The following BMP6 variants were observed in gnomAD, a reference collection of about 807,000 sequenced individuals.
BMP6 encodes bone morphogenetic protein 6, also known as VG-1-R.
A neutral mutation model predicts 54.1 loss-of-function variants in BMP6; 17 were observed. That is an observed-to-expected ratio of 0.31 (90% confidence interval 0.22 to 0.47). The LOEUF (loss-of-function observed/expected upper bound fraction) is 0.47. Ranked by LOEUF, BMP6 falls within the 20% of genes least tolerant of loss-of-function variation. The pLI, the probability that BMP6 is intolerant of heterozygous loss-of-function variation, is 1.00. For missense variants in BMP6, 720 were observed against 690.4 expected (o/e 1.04, Z -0.48); for synonymous variants, 328 against 291.2 (o/e 1.13, Z -1.28).
At chr6:7,772,392 T>G (rs762839974) in intron 1 of BMP6, among the ~76,000 whole-genome samples, 6 of 152,188 alleles carry the variant, frequency 3.9e-5, no homozygotes, top group Non-Finnish European at 7.3e-5. Flanking sequence ...GCCCAATCTG[T>G]CAGTAATGAA....
chr6:7,727,771 C>T (rs1238404215), intron 1 of BMP6, 152 bp downstream of exon 1: 1 of 1,002,278 alleles, frequency 1.0e-6, no homozygotes, highest in East Asian at 3.3e-5. Flanking sequence ...TGTGCTCCCG[C>T]CACCTGCGCG....
At position 7,731,683 on chromosome 6, in the gene BMP6, T is replaced by C. The variant is rs1210030170; in HGVS notation, c.664+4064T>C. The stretch of plus-strand genomic sequence containing the variant: ...AAGATTTGATTATTTAGAAAGGGTA[T>C]ACCTGATTTTTATTGAGTAAAATGT... On this transcript the variant is annotated intron_variant, in intron 1 of 6. Transcript: ENST00000283147. Among the ~76,000 whole-genome samples the C allele has an allele frequency of 7.2e-5, 11 of 152,346 alleles. No homozygotes were observed. The East Asian group carries it at 2.1e-3, about 29-fold the overall frequency.
At position 7,880,414 on chromosome 6, in the gene BMP6, G is replaced by T. The variant is rs767986591; in HGVS notation, c.*71G>T. 70 of 1,586,984 alleles carry T rather than the reference G, an allele frequency of 4.4e-5. No individual in the cohort carries two copies. The highest frequency in any genetic ancestry group is 6.0e-5 in the Non-Finnish European group (69 of 1,159,504). The stretch of plus-strand genomic sequence containing the variant: ...GATTACATCTGCCTTAAAAAAACAC[G>T]GAAGCACAGTTGGAGGTGGGACGAT... On this transcript the variant is annotated 3_prime_UTR_variant, in exon 7 of 7. Coordinates refer to ENST00000283147, the MANE Select transcript of BMP6 (RefSeq NM_001718.6).
Position 7,780,087 on chromosome 6 carries a change from G to A in BMP6, c.664+52468G>A, listed in dbSNP as rs957618081. On this transcript the variant is annotated intron_variant, in intron 1 of 6. Coordinates refer to ENST00000283147, the MANE Select transcript of BMP6 (RefSeq NM_001718.6). ...ATAGCACACACACTCATTTATTTCCGTGCTTCCCTCACTTCACTGTAGTGC... is the reference window on the plus strand; with the variant it reads ...ATAGCACACACACTCATTTATTTCCATGCTTCCCTCACTTCACTGTAGTGC... 7.2e-5 allele frequency among the ~76,000 whole-genome samples: 11 copies of A among 152,200 alleles called. No individual in the cohort carries two copies. In the East Asian group the frequency reaches 7.7e-4, roughly 11 times the overall value.
intron 1 of BMP6, among the ~76,000 whole-genome samples, chr6:7,762,694 A>G (rs935919430): frequency 1.3e-5 from 2 of 152,234 alleles, no homozygotes; most frequent in African/African-American, 4.8e-5. Context: ...TTCTGATTAA[A>G]TAAAAAGATG....
intron 1 of BMP6, among the ~76,000 whole-genome samples, chr6:7,784,857 A>C (rs1757998893): frequency 6.6e-6 from 1 of 152,100 alleles, no homozygotes; most frequent in Admixed American, 6.5e-5. Flanking sequence ...TTGCACAGTC[A>C]CCTCCTCCTT....
In BMP6 at chr6:7,726,475, G is replaced by A. The variant is rs1761725186; in HGVS notation, c.-481G>A. On this transcript the variant is annotated 5_prime_UTR_variant, in exon 1 of 7. The change creates a new upstream start codon in the 5' untranslated region. Transcript: ENST00000283147. ...GTGGCCCTGCGATCTGGGGAGGGGC[G>A]TGCGCCACGGTGATGCCGGGCATCT... Among the ~76,000 whole-genome samples the A allele has an allele frequency of 6.6e-6, 1 of 152,210 alleles. No individual in the cohort carries two copies. Among genetic ancestry groups the A allele is most frequent in the Admixed American group, 6.5e-5 (1 of 15,294 alleles).
chr6:7,755,301 GATTTT>G (rs949956633), intron 1 of BMP6, among the ~76,000 whole-genome samples: 1 of 151,604 alleles, frequency 6.6e-6, no homozygotes, highest in Non-Finnish European at 1.5e-5. Context: ...TATTTTTTGT[GATTTT>G]ATTTTATTTC....
rs534409010 is a variant in BMP6 at position 7,835,080 on chromosome 6, C to CA, written c.665-10058dup. Among the ~76,000 whole-genome samples the CA allele has an allele frequency of 4.1e-4, 62 of 152,282 alleles. 3 individuals are homozygous for CA. In the South Asian group the frequency reaches 0.013, roughly 31 times the overall value. On this transcript the variant is annotated intron_variant, in intron 1 of 6. Transcript: ENST00000283147. ...GTGTACCAGAAGACAATGGCATTGT[C>CA]AATGGGACCACAGAACCCAGATCAC...
intron 1 of BMP6, among the ~76,000 whole-genome samples, chr6:7,746,084 A>G (rs1005729360): frequency 6.6e-6 from 1 of 152,202 alleles, no homozygotes; most frequent in African/African-American, 2.4e-5. Flanking sequence ...CTTGGTAGGT[A>G]TAGAGGCAAA....
intron 1 of BMP6, among the ~76,000 whole-genome samples, chr6:7,795,445 C>T (rs1758177688): frequency 6.6e-6 from 1 of 152,108 alleles, no homozygotes; most frequent in African/African-American, 2.4e-5. Context: ...TAAAACAGCC[C>T]TGTTAGTTCA....
chr6:7,836,878 C>A (rs908419622), intron 1 of BMP6, among the ~76,000 whole-genome samples: 1 of 152,220 alleles, frequency 6.6e-6, no homozygotes, highest in Non-Finnish European at 1.5e-5. Context: ...GCTGTCGTTA[C>A]AACCCTTGGA....
chr6:7,753,915 T>C (rs1236529541), intron 1 of BMP6, among the ~76,000 whole-genome samples: 1 of 152,216 alleles, frequency 6.6e-6, no homozygotes, highest in African/African-American at 2.4e-5. Context: ...TGATTTCTAG[T>C]TTAATTCCGT....
At chr6:7,788,917 T>C (rs1380970408) in intron 1 of BMP6, among the ~76,000 whole-genome samples, 1 of 151,414 alleles carries the variant, frequency 6.6e-6, no homozygotes, top group African/African-American at 2.4e-5. Flanking sequence ...CTCTCCAAGG[T>C]GCTTCCTCAG....
rs1028723853 is a variant in BMP6 at position 7,726,167 on chromosome 6, C to G, written c.-789C>G. ...GCGGGAGACCGAATTCCGGCGCCGC[C>G]GCCGCGGCCGCTGCTCGGTGCACTA... On this transcript the variant is annotated 5_prime_UTR_variant, in exon 1 of 7. Transcript: ENST00000283147. Among the ~76,000 whole-genome samples the G allele has an allele frequency of 7.2e-5, 11 of 152,308 alleles. No individual in the cohort carries two copies. Among genetic ancestry groups the G allele is most frequent in the Middle Eastern group, 3.4e-3 (1 of 294 alleles).
At chr6:7,739,436 A>G (rs1348223519) in intron 1 of BMP6, among the ~76,000 whole-genome samples, 1 of 152,198 alleles carries the variant, frequency 6.6e-6, no homozygotes, top group Admixed American at 6.5e-5. Flanking sequence ...GTATTTCTTT[A>G]TGGCCTTTTG....
intron 1 of BMP6, among the ~76,000 whole-genome samples, chr6:7,802,071 G>A (rs1050806840): frequency 2.6e-5 from 4 of 152,198 alleles, no homozygotes; most frequent in African/African-American, 7.2e-5. Context: ...CTGCCAACAG[G>A]CCATTTAGAA....
At chr6:7,783,925 T>C (rs1757985236) in intron 1 of BMP6, among the ~76,000 whole-genome samples, 1 of 152,220 alleles carries the variant, frequency 6.6e-6, no homozygotes, top group Non-Finnish European at 1.5e-5. Context: ...ATGCCACACA[T>C]GAGCCCTCAG....
rs1164593382 is a variant in BMP6, at chr6:7,881,690, G to C, written c.*1347G>C. 6.6e-6 allele frequency: 1 copy of C among 152,166 alleles called. No individual in the cohort carries two copies. Among genetic ancestry groups the C allele is most frequent in the Non-Finnish European group, 1.5e-5 (1 of 68,034 alleles). The allele number at this position is 152,166 out of a possible 1,614,324, so 9.4% of individuals were successfully genotyped here. ...GGTTTTTTTAAAAAAAGAATTATCT[G>C]TGAACCATACGTGATTAATAAAGAT... is the stretch of plus-strand genomic sequence containing the variant. On this transcript the variant is annotated 3_prime_UTR_variant, in exon 7 of 7. Transcript: ENST00000283147.
Sources: allele counts gnomAD v4.1 joint callset (sites outside exome capture counted in the v4.1 genomes callset), GRCh38; gene constraint gnomAD v4.1.1; transcripts MANE v1.5; gene names NCBI Gene and HGNC (gene_info 2026-07-23, HGNC 2026-07-21).